Variants in OPA3 observed in about 807,000 individuals in gnomAD.
OPA3 encodes the protein outer mitochondrial membrane lipid metabolism regulator OPA3.
Under a neutral mutation model 4.0 loss-of-function variants are expected in OPA3, and 6 were observed. That is an observed-to-expected ratio of 1.51 (90% CI 0.83 to 2.99). The LOEUF (loss-of-function observed/expected upper bound fraction) is 2.99, where lower values mean the gene tolerates loss of function less well. Among genes scored for constraint, OPA3 ranks in the 30% most tolerant of loss-of-function variants. OPA3 has a pLI of 0.00. For synonymous variants in OPA3, 105 were observed against 117.1 expected, an observed-to-expected ratio of 0.90 and a Z score of 0.67; for missense variants, 235 against 256.2, an observed-to-expected ratio of 0.92 and a Z score of 0.56.
At chr19:45,527,434 A>G (rs7254594) in exon 2 of OPA3, 106,829 of 138,128 alleles carry the variant, frequency 0.77, 41,044 homozygotes, top group African/African-American at 0.85. Flanking sequence ...AATGAGTTGG[A>G]GTCTTGCTCT....
chr19:45,576,535 TC>T (rs56381717), intron 1 of OPA3, among the ~76,000 whole-genome samples: 25,815 of 107,708 alleles, frequency 0.24, 2,791 homozygotes, highest in East Asian at 0.42. Flanking sequence ...TGAAACTCCA[TC>T]CCCCCCCCCC....
At chr19:45,528,918 G>C (rs1008138542) in exon 2 of OPA3, 6 of 1,051,982 alleles carry the variant, frequency 5.7e-6, no homozygotes, top group Non-Finnish European at 8.3e-6. Context: ...CTCCAGCCCA[G>C]GATCTCTCCG....
intron 1 of OPA3, among the ~76,000 whole-genome samples, chr19:45,557,406 TAG>T (rs1437932583): frequency 6.6e-6 from 1 of 152,064 alleles, no homozygotes; most frequent in Non-Finnish European, 1.5e-5. Flanking sequence ...GCTGTGATTC[TAG>T]AAGGGACAGC....
chr19:45,554,090 T>C (rs2122441636), intron 1 of OPA3, among the ~76,000 whole-genome samples, 179 bp from the exon 2 acceptor site: 1 of 152,230 alleles, frequency 6.6e-6, no homozygotes, highest in South Asian at 2.1e-4. Flanking sequence ...TCCTCGGACT[T>C]GAGGGGCCGC....
rs1466241003 is a variant in OPA3, at chr19:45,552,922, C to T, written c.*592G>A. The T allele has an allele frequency of 4.5e-5, 40 of 897,500 alleles. No homozygotes were observed. The highest frequency in any genetic ancestry group is 1.2e-4 in the Admixed American group (2 of 16,300). 55.6% of individuals were successfully genotyped at this position (897,500 alleles called of 1,614,324 possible). On this transcript the variant is annotated 3_prime_UTR_variant, in exon 2 of 2. Coordinates refer to ENST00000263275, the MANE Select transcript of OPA3 (RefSeq NM_025136.4). ...AACTCCTGACCTCAAGTGATCCGCC[C>T]GCCTCGGCCTCCCAAGGTGCTAGGA...
chr19:45,532,583 T>G (rs901798191), intron 1 of OPA3, among the ~76,000 whole-genome samples: 5 of 152,096 alleles, frequency 3.3e-5, no homozygotes, highest in African/African-American at 7.2e-5. Context: ...TCCCTTCCTG[T>G]TTTTTTCCAT....
chr19:45,578,409 C>A (rs1003352677), intron 1 of OPA3, among the ~76,000 whole-genome samples: 4 of 150,890 alleles, frequency 2.7e-5, no homozygotes. Flanking sequence ...CGCCCTCCCC[C>A]TCCCCCACCG....
intron 1 of OPA3, among the ~76,000 whole-genome samples, chr19:45,532,309 G>T (rs1415096474): frequency 1.3e-5 from 2 of 152,170 alleles, no homozygotes; most frequent in African/African-American, 2.4e-5. Flanking sequence ...TCCCTGGGCT[G>T]CTTTTAATCT....
chr19:45,549,002 A>C lies in OPA3; in HGVS notation c.*4512T>G. 2.2e-6 allele frequency: 1 copy of C among 447,628 alleles called. No individual in the cohort carries two copies. Among genetic ancestry groups the C allele is most frequent in the Non-Finnish European group, 3.0e-6 (1 of 338,860 alleles). The allele number at this position is 447,628 out of a possible 1,614,324, so 27.7% of individuals were successfully genotyped here. A position where few individuals can be genotyped will look rare whatever the true frequency, so the allele number is the denominator to read the frequency against. On this transcript the variant is annotated 3_prime_UTR_variant, in exon 2 of 2. Coordinates refer to ENST00000263275, the MANE Select transcript of OPA3 (RefSeq NM_025136.4). ...GTATTTTTAGTAGAGACGAGGTTTC[A>C]CCATGTTGATCAGGTTGGTCTTGAA...
chr19:45,572,797 ATAT>A (rs1969705876), intron 1 of OPA3, among the ~76,000 whole-genome samples: 1 of 117,348 alleles, frequency 8.5e-6, no homozygotes, highest in Admixed American at 1.1e-4. Context: ...ATAGATATAT[ATAT>A]CATACTATAT....
chr19:45,580,708 T>C (rs1424446333), intron 1 of OPA3, among the ~76,000 whole-genome samples: 3 of 151,246 alleles, frequency 2.0e-5, no homozygotes, highest in Non-Finnish European at 4.4e-5. Flanking sequence ...AACCTCTGCC[T>C]CCCAGGTTCA....
chr19:45,562,198 T>G (rs529382057), intron 1 of OPA3, among the ~76,000 whole-genome samples: 1 of 150,374 alleles, frequency 6.7e-6, no homozygotes, highest in South Asian at 2.1e-4. Context: ...AAATAAAAAA[T>G]TAGCCGGGAG....
chr19:45,543,646 T>C (rs1599954882), downstream of OPA3, among the ~76,000 whole-genome samples: 1 of 152,044 alleles, frequency 6.6e-6, no homozygotes, highest in Admixed American at 6.6e-5. Context: ...TTATTTTTAT[T>C]TGTAGAAGAG....
intron 1 of OPA3, among the ~76,000 whole-genome samples, chr19:45,576,030 T>TG (rs1350356385): frequency 6.6e-6 from 1 of 151,720 alleles, no homozygotes; most frequent in Admixed American, 6.6e-5. Flanking sequence ...GGTCAGGAGT[T>TG]GAAGACCAGC....
Position 45,548,484 on chromosome 19 carries a change from C to T in OPA3, c.*5030G>A, listed in dbSNP as rs1969283531. ...GGAGGATTCCGGATTCAGCCCAGCC[C>T]CTGCTTCCTAAACAACTATGGGGTG... On this transcript the variant is annotated 3_prime_UTR_variant, in exon 2 of 2. Transcript: ENST00000263275. 5 of 985,382 alleles carry T rather than the reference C, an allele frequency of 5.1e-6. No individual in the cohort carries two copies. The highest frequency in any genetic ancestry group is 9.4e-5 in the South Asian group (2 of 21,278). The allele number at this position is 985,382 out of a possible 1,614,324, so 61.0% of individuals were successfully genotyped here.
chr19:45,577,612 T>A (rs1290760778), intron 1 of OPA3, among the ~76,000 whole-genome samples: 2 of 152,198 alleles, frequency 1.3e-5, no homozygotes, highest in Non-Finnish European at 2.9e-5. Flanking sequence ...GGCTCTACCT[T>A]GTAAACAAAT....
At chr19:45,537,992 G>A (rs1969141196) in intron 1 of OPA3, among the ~76,000 whole-genome samples, 1 of 151,138 alleles carries the variant, frequency 6.6e-6, no homozygotes, top group African/African-American at 2.4e-5. Context: ...TACTCAGGAG[G>A]CTGAGGCGGG....
intron 1 of OPA3, among the ~76,000 whole-genome samples, chr19:45,583,797 G>A (rs1040358952): frequency 2.6e-5 from 4 of 152,072 alleles, no homozygotes; most frequent in South Asian, 2.1e-4. Flanking sequence ...CCACCGCGCC[G>A]GACCTTACTA....
chr19:45,558,087 G>A (rs925541108), intron 1 of OPA3, among the ~76,000 whole-genome samples: 7 of 152,116 alleles, frequency 4.6e-5, no homozygotes, highest in East Asian at 1.9e-4. Context: ...TAATCCCAGC[G>A]CTTTGGGAGG....
Sources: gnomAD v4.1 joint callset for allele counts (sites outside exome capture counted in the v4.1 genomes callset) on GRCh38, gnomAD v4.1.1 for gene constraint, MANE v1.5 for transcripts, NCBI Gene and HGNC (gene_info 2026-07-23, HGNC 2026-07-21) for gene names.